LRCH3: variants seen among roughly 807,000 people sequenced by gnomAD.
LRCH3 encodes leucine rich repeats and calponin homology domain containing 3.
LRCH3 carries 68 observed loss-of-function variants against 104.5 expected under a neutral mutation model. That is an observed-to-expected ratio of 0.65 (90% CI 0.54 to 0.80). The LOEUF (loss-of-function observed/expected upper bound fraction) is 0.80, where lower values mean the gene tolerates loss of function less well. LRCH3 is among the 30% of genes least tolerant of loss of function. The pLI, the probability that LRCH3 is intolerant of heterozygous loss-of-function variation, is 0.00. For missense variants in LRCH3, 951 were observed against 953.9 expected (o/e 1.00, Z 0.04); for synonymous variants, 344 against 361.3 (o/e 0.95, Z 0.54).
At chr3:197,845,692 G>T (rs150349598) in intron 10 of LRCH3, among the ~76,000 whole-genome samples, 3,858 of 151,704 alleles carry the variant, frequency 0.025, 75 homozygotes, top group Admixed American at 0.051. Context: ...ATCACCTGAG[G>T]TCAGGAGTTC....
At chr3:197,839,181 T>G (rs1737405447) in intron 9 of LRCH3, 140 bp from the exon 10 acceptor site, 1 of 589,920 alleles carries the variant, frequency 1.7e-6, no homozygotes, top group South Asian at 2.4e-5. Flanking sequence ...GCTTTTAAAC[T>G]TAAAGTTTAC....
intron 12 of LRCH3, among the ~76,000 whole-genome samples, chr3:197,849,425 C>T (rs917010268): frequency 3.9e-5 from 6 of 151,992 alleles, no homozygotes; most frequent in Admixed American, 2.0e-4. Context: ...CCTTTTCAAC[C>T]CTCATAAGAA....
In LRCH3 at chr3:197,870,182, A is replaced by G; in HGVS notation, c.1896A>G (p.Pro632=). Reference sequence around the variant, plus strand: ...TAGGTCATGCTTCACCCCTTCCTCCATCTGCTGCACCTACCACTGATTCTA... The same window carrying G: ...TAGGTCATGCTTCACCCCTTCCTCCGTCTGCTGCACCTACCACTGATTCTA... ...TNKGHASPLP[P]SAAPTTDSTD... Residue 632 remains proline, a synonymous_variant, in exon 18 of 21, where the codon CCA becomes CCG. Coordinates refer to ENST00000425562, the MANE Select transcript of LRCH3 (RefSeq NM_001365715.1). 1 of 1,613,068 alleles carries G rather than the reference A, an allele frequency of 6.2e-7. No homozygotes were observed. Among genetic ancestry groups the G allele is most frequent in the Non-Finnish European group, 8.5e-7 (1 of 1,179,108 alleles).
At chr3:197,836,798 C>T (rs1215967135) in intron 9 of LRCH3, among the ~76,000 whole-genome samples, 1 of 152,194 alleles carries the variant, frequency 6.6e-6, no homozygotes, top group Non-Finnish European at 1.5e-5. Flanking sequence ...CTTCCTCAGC[C>T]TCCCGAGTAG....
At chr3:197,876,238 A>G (rs1326716457) in intron 20 of LRCH3, 1 of 152,524 alleles carries the variant, frequency 6.6e-6, no homozygotes, top group African/African-American at 2.4e-5. Flanking sequence ...AACGTCTAAT[A>G]CAAACATAGG....
In LRCH3 at chr3:197,883,198, T is replaced by A. The variant is rs1713935583; in HGVS notation, c.2209-343T>A. 3.0e-6 allele frequency: 3 copies of A among 998,996 alleles called. No homozygotes were observed. In the South Asian group the frequency reaches 1.3e-4, roughly 45 times the overall value. The allele number at this position is 998,996 out of a possible 1,614,324, so 61.9% of individuals were successfully genotyped here. A position where few individuals can be genotyped will look rare whatever the true frequency, so the allele number is the denominator to read the frequency against. ...TTTTCTATTTTTCACCTGCCTATTT[T>A]ATAGACCTGTATTGACCTTTTATTC... On this transcript the variant is annotated intron_variant, in intron 20 of 20. Coordinates refer to ENST00000425562, the MANE Select transcript of LRCH3 (RefSeq NM_001365715.1). This position sits in a 1 kb window ranked among gnomAD's most constrained non-coding sequence, Gnocchi z 4.2.
chr3:197,835,765 A>G lies in LRCH3; in HGVS notation c.1194A>G (p.Pro398=), dbSNP rs1488244907. The change falls in exon 9 of 21, where the codon CCA becomes CCG. Residue 398 remains proline, a synonymous_variant. Coordinates refer to ENST00000425562, the MANE Select transcript of LRCH3 (RefSeq NM_001365715.1). ...AEVRQPKGPD[P]DSLSSQFMAY... ...TGAGACAGCCCAAGGGACCAGACCC[A>G]GACAGCCTTAGTTCACAGTTTATGG... The G allele has an allele frequency of 6.2e-7, 1 of 1,614,036 alleles. No individual in the cohort carries two copies. Among genetic ancestry groups the G allele is most frequent in the Non-Finnish European group, 8.5e-7 (1 of 1,180,038 alleles).
chr3:197,829,653 A>C lies in LRCH3; in HGVS notation c.867A>C (p.Arg289Ser). The C allele has an allele frequency of 1.2e-6, 2 of 1,612,294 alleles. No homozygotes were observed. The highest frequency in any genetic ancestry group is 1.7e-6 in the Non-Finnish European group (2 of 1,179,276). The part of the protein sequence containing the change: ...IAPDLPDYDR[R>S]PLGFGSCHEE... ...CAGATCTGCCGGATTATGATAGGAG[A>C]CCGTTGGGTTTTGGCTCCTGGTAAG... The change falls in exon 6 of 21, where the codon AGA (arginine) becomes AGC (serine). Residue 289 changes from arginine to serine, a missense_variant. Transcript: ENST00000425562.
chr3:197,806,785 C>T (rs1732534272), intron 1 of LRCH3, among the ~76,000 whole-genome samples: 1 of 150,526 alleles, frequency 6.6e-6, no homozygotes, highest in Non-Finnish European at 1.5e-5. Flanking sequence ...CTCCTGACCT[C>T]AAGTGATCCA....
At chr3:197,792,613 CATAT>C (rs1157560343) in intron 1 of LRCH3, among the ~76,000 whole-genome samples, 1 of 48,768 alleles carries the variant, frequency 2.1e-5, no homozygotes, top group Non-Finnish European at 4.5e-5. Flanking sequence ...ATAAAATATA[CATAT>C]ATATATAATA....
At chr3:197,811,950 G>A (rs895903910) in intron 1 of LRCH3, among the ~76,000 whole-genome samples, 4 of 152,148 alleles carry the variant, frequency 2.6e-5, no homozygotes, top group Admixed American at 2.6e-4. Flanking sequence ...GATTTTTAAG[G>A]TACATGTCAC....
intron 17 of LRCH3, 63 bp downstream of exon 17, chr3:197,866,282 T>C: frequency 8.8e-7 from 1 of 1,130,822 alleles, no homozygotes; most frequent in Non-Finnish European, 1.3e-6. Context: ...CGCTAGCTGT[T>C]AGATGGATGC....
intron 5 of LRCH3, among the ~76,000 whole-genome samples, chr3:197,828,453 C>G (rs543436009): frequency 1.3e-5 from 2 of 151,890 alleles, no homozygotes; most frequent in South Asian, 4.2e-4. Flanking sequence ...TCACACTATT[C>G]TTCTGCCTCA....
intron 1 of LRCH3, among the ~76,000 whole-genome samples, chr3:197,795,003 TA>T (rs1222363311): frequency 1.0e-4 from 15 of 146,256 alleles, no homozygotes; most frequent in South Asian, 2.2e-4. Context: ...AGTGCTGTCT[TA>T]AAAAAAAAAG....
At chr3:197,819,880 A>G (rs919684641) in intron 3 of LRCH3, among the ~76,000 whole-genome samples, 20 of 152,090 alleles carry the variant, frequency 1.3e-4, no homozygotes, top group Non-Finnish European at 2.4e-4. Context: ...TTTCTTTTTA[A>G]AAAAAAGAAA....
chr3:197,817,812 A>ATGTT (rs1225365993), intron 3 of LRCH3, among the ~76,000 whole-genome samples: 22 of 151,644 alleles, frequency 1.5e-4, no homozygotes, highest in African/African-American at 4.6e-4. Flanking sequence ...CTTCATTGCC[A>ATGTT]TGTTTGTTTG....
At chr3:197,804,904 TA>T (rs1732302421) in intron 1 of LRCH3, among the ~76,000 whole-genome samples, 1 of 152,104 alleles carries the variant, frequency 6.6e-6, no homozygotes, top group African/African-American at 2.4e-5. Flanking sequence ...TTTTCTTTTT[TA>T]TTTTTTTGAG....
rs1248204489 is a variant in LRCH3 at position 197,867,697 on chromosome 3, C to CA, written c.1873+1486dup. Among the ~76,000 whole-genome samples, 6 of 145,946 alleles carry CA rather than the reference C, an allele frequency of 4.1e-5. No individual in the cohort carries two copies. The East Asian group carries it at 6.4e-4, about 16-fold the overall frequency. On this transcript the variant is annotated intron_variant, in intron 17 of 20. Coordinates refer to ENST00000425562, the MANE Select transcript of LRCH3 (RefSeq NM_001365715.1). ...TGAAACCCCATCTCTACTAAAAATACAAAAAAAATTAGCCAGGCATGGTGG... is the reference window on the plus strand; with the variant it reads ...TGAAACCCCATCTCTACTAAAAATACAAAAAAAAATTAGCCAGGCATGGTGG...
Position 197,832,257 on chromosome 3 carries a change from C to T in LRCH3, c.1042C>T (p.Leu348=), listed in dbSNP as rs1487689615. ...AGCAGAGATTACTAAAGAACAAAGA[C>T]TACGAAGAGAAAGCCAGTACCAAGA... ...RVAEITKEQR[L]RRESQYQENR... Residue 348 remains leucine (L), a synonymous_variant, in exon 8 of 21, where the codon CTA becomes TTA. Coordinates refer to ENST00000425562, the MANE Select transcript of LRCH3 (RefSeq NM_001365715.1). 6.2e-7 allele frequency: 1 copy of T among 1,613,658 alleles called. No homozygotes were observed. The highest frequency in any genetic ancestry group is 1.7e-5 in the Admixed American group (1 of 59,994).
Sources: gnomAD v4.1 joint callset for allele counts (sites outside exome capture counted in the v4.1 genomes callset) on GRCh38, gnomAD v4.1.1 for gene constraint, Gnocchi (gnomAD v3.1) non-coding constraint, MANE v1.5 for transcripts, NCBI Gene and HGNC (gene_info 2026-07-23, HGNC 2026-07-21) for gene names.